DENND1A: variants seen among roughly 807,000 people sequenced by gnomAD.
The protein encoded by DENND1A is DENN domain containing 1A, also known as DENN domain-containing protein 1A.
In DENND1A, 51 loss-of-function variants were observed where a neutral mutation model predicts 113.7. The ratio of observed to expected loss-of-function variants is 0.45; its 90% CI spans 0.36 to 0.57. DENND1A has a LOEUF of 0.57. Among genes scored for constraint, DENND1A ranks in the 20% least tolerant of loss-of-function variants. The probability of loss-of-function intolerance (pLI) is 0.00; values close to 1 mark genes in which losing one functional copy is unlikely to be tolerated. For missense variants in DENND1A, 1,258 were observed against 1,395.9 expected (o/e 0.90, Z 1.57); for synonymous variants, 565 against 570.8 (o/e 0.99, Z 0.14).
chr9:123,704,624 C>A (rs2066073401), intron 5 of DENND1A, among the ~76,000 whole-genome samples: 1 of 152,084 alleles, frequency 6.6e-6, no homozygotes, highest in South Asian at 2.1e-4. Context: ...AGCCCCACTC[C>A]CCCAATTCCT....
intron 13 of DENND1A, among the ~76,000 whole-genome samples, chr9:123,511,489 AT>A (rs1384523028): frequency 6.6e-6 from 1 of 152,216 alleles, no homozygotes; most frequent in African/African-American, 2.4e-5. Flanking sequence ...TCCCTGTCTC[AT>A]CCCCAGCACA....
At chr9:123,395,996 T>G (rs552643822) in intron 21 of DENND1A, among the ~76,000 whole-genome samples, 1 of 151,596 alleles carries the variant, frequency 6.6e-6, no homozygotes, top group South Asian at 2.1e-4. Context: ...TGTGTGTGTG[T>G]GCACGCGTGT....
At chr9:123,414,278 G>C in intron 19 of DENND1A, 1 of 1,341,916 alleles carries the variant, frequency 7.5e-7, no homozygotes. Context: ...ATGGACGTCA[G>C]GTTCTTTGCA....
In DENND1A at chr9:123,870,657, G is replaced by A. The variant is rs144675544; in HGVS notation, c.88+8294C>T. Among the ~76,000 whole-genome samples, 778 of 151,992 alleles carry A rather than the reference G, an allele frequency of 5.1e-3. 5 individuals are homozygous for A. Among genetic ancestry groups the A allele is most frequent in the South Asian group, 8.5e-3 (41 of 4,806 alleles). ...TCACCATGTTGACCAGGATGGTCTCGATCTCCTGACCTCGTGATCCGCCCA... is the reference window on the plus strand; with the variant it reads ...TCACCATGTTGACCAGGATGGTCTCAATCTCCTGACCTCGTGATCCGCCCA... On this transcript the variant is annotated intron_variant, in intron 2 of 23. Transcript: ENST00000394215.
intron 21 of DENND1A, among the ~76,000 whole-genome samples, chr9:123,396,168 C>G (rs1417673753): frequency 6.6e-6 from 1 of 152,190 alleles, no homozygotes; most frequent in Non-Finnish European, 1.5e-5. Context: ...GCTCTGCTCA[C>G]TCAGGATGCC....
At chr9:123,911,688 AT>A (rs369915046) in intron 1 of DENND1A, among the ~76,000 whole-genome samples, 3,009 of 144,206 alleles carry the variant, frequency 0.021, 34 homozygotes, top group Non-Finnish European at 0.028. Flanking sequence ...CAGAATAGTG[AT>A]TTTTTTTTTC....
chr9:123,658,722 C>T (rs988517372), intron 8 of DENND1A, among the ~76,000 whole-genome samples: 2 of 152,052 alleles, frequency 1.3e-5, no homozygotes, highest in Admixed American at 1.3e-4. Flanking sequence ...TTCAGTCATT[C>T]GTTCAGTCAA....
chr9:123,629,932 T>G (rs923257442), intron 10 of DENND1A, among the ~76,000 whole-genome samples: 1 of 152,218 alleles, frequency 6.6e-6, no homozygotes, highest in African/African-American at 2.4e-5. Context: ...GAAAAGTTAC[T>G]ACCTATTCTC....
intron 3 of DENND1A, among the ~76,000 whole-genome samples, chr9:123,784,648 C>A (rs976604871): frequency 6.6e-6 from 1 of 152,046 alleles, no homozygotes; most frequent in Non-Finnish European, 1.5e-5. Context: ...TTTTTGGGAT[C>A]CAGAATAAAC....
chr9:123,728,135 G>A (rs1031405451), intron 5 of DENND1A, among the ~76,000 whole-genome samples: 5 of 150,994 alleles, frequency 3.3e-5, no homozygotes, highest in Middle Eastern at 3.4e-3. Flanking sequence ...CTAAGTAGAT[G>A]GAGAGATGTA....
intron 12 of DENND1A, among the ~76,000 whole-genome samples, chr9:123,563,752 A>G (rs2057895920): frequency 1.3e-5 from 2 of 152,228 alleles, no homozygotes; most frequent in Non-Finnish European, 2.9e-5. Context: ...TGAATATAAT[A>G]AAGTCTAAAT....
At chr9:123,448,959 G>A (rs2047504826) in intron 18 of DENND1A, among the ~76,000 whole-genome samples, 1 of 152,188 alleles carries the variant, frequency 6.6e-6, no homozygotes, top group African/African-American at 2.4e-5. Flanking sequence ...GGGGGCATAG[G>A]GATAATGAAG....
intron 1 of DENND1A, among the ~76,000 whole-genome samples, chr9:123,885,984 C>T (rs1340862708): frequency 6.6e-6 from 1 of 152,112 alleles, no homozygotes; most frequent in Non-Finnish European, 1.5e-5. Flanking sequence ...CACCATGTTG[C>T]CCAGGCTGGT....
intron 9 of DENND1A, among the ~76,000 whole-genome samples, chr9:123,638,467 T>G (rs561780482): frequency 1.1e-4 from 16 of 152,220 alleles, no homozygotes; most frequent in African/African-American, 3.1e-4. Context: ...CTTCCTCACA[T>G]GCACTTTTGT....
intron 2 of DENND1A, among the ~76,000 whole-genome samples, chr9:123,852,130 C>G (rs1843473566): frequency 2.0e-5 from 3 of 152,218 alleles, no homozygotes; most frequent in Admixed American, 1.3e-4. Context: ...CGCCATTACA[C>G]TCTGGGGAAG....
chr9:123,636,347 C>T (rs536801078), intron 9 of DENND1A, among the ~76,000 whole-genome samples: 4 of 151,506 alleles, frequency 2.6e-5, no homozygotes, highest in Admixed American at 2.0e-4. Context: ...GATGGAGTCT[C>T]GCTCTGTCAC....
chr9:123,848,247 AAAAAAAAAAAC>A (rs1842890552), intron 2 of DENND1A, among the ~76,000 whole-genome samples: 2 of 150,708 alleles, frequency 1.3e-5, no homozygotes, highest in African/African-American at 2.4e-5. Context: ...AAAAAAAAAA[AAAAAAAAAAAC>A]AAATTGAAAG....
At chr9:123,614,326 C>G in intron 10 of DENND1A, among the ~76,000 whole-genome samples, 1 of 152,026 alleles carries the variant, frequency 6.6e-6, no homozygotes, top group South Asian at 2.1e-4. Flanking sequence ...TTCGCCAGTC[C>G]TCTTGGTTCC....
intron 13 of DENND1A, among the ~76,000 whole-genome samples, chr9:123,522,075 G>A (rs940371267): frequency 2.6e-5 from 4 of 152,204 alleles, no homozygotes; most frequent in African/African-American, 9.6e-5. Flanking sequence ...GCACAGGAAT[G>A]GTATGGTTGG....
Sources: allele counts gnomAD v4.1 joint callset (sites outside exome capture counted in the v4.1 genomes callset), GRCh38; gene constraint gnomAD v4.1.1; transcripts MANE v1.5; gene names NCBI Gene and HGNC (gene_info 2026-07-23, HGNC 2026-07-21).